SELENOF: variants seen among roughly 807,000 people sequenced by gnomAD.
SELENOF encodes the protein selenoprotein F, also known as 15 kDa selenoprotein.
In SELENOF, 16 loss-of-function variants were observed where a neutral mutation model predicts 20.5. The observed-to-expected ratio is 0.78, with a 90% CI of 0.53 to 1.19. SELENOF has a LOEUF of 1.19. Ranked by LOEUF, SELENOF falls within the 50% of genes most tolerant of loss-of-function variation. The probability of loss-of-function intolerance (pLI) is 0.00; values close to 1 mark genes in which losing one functional copy is unlikely to be tolerated. For synonymous variants in SELENOF, 78 were observed against 74.5 expected (o/e 1.05, Z -0.24); for missense variants, 215 against 194.2 (o/e 1.11, Z -0.64).
intron 2 of SELENOF, among the ~76,000 whole-genome samples, chr1:86,898,580 CTTTTTTTTT>C (rs747362493): frequency 8.0e-6 from 1 of 124,996 alleles, no homozygotes; most frequent in Admixed American, 8.0e-5. Flanking sequence ...TTCTCTTCTT[CTTTTTTTTT>C]TTTTTTTTTT....
chr1:86,877,679 C>A (rs1001670768), intron 3 of SELENOF, among the ~76,000 whole-genome samples: 1 of 152,108 alleles, frequency 6.6e-6, no homozygotes, highest in East Asian at 1.9e-4. Flanking sequence ...TTTCAAAACT[C>A]CTTTTTGCGT....
chr1:86,914,341 C>T (rs944991885), upstream of SELENOF: 2 of 571,094 alleles, frequency 3.5e-6, no homozygotes, highest in Non-Finnish European at 6.3e-6. Flanking sequence ...TTTACTTCTG[C>T]GGTCTCCTTT....
chr1:86,884,832 TTATTG>T (rs1193999341), intron 2 of SELENOF, among the ~76,000 whole-genome samples: 2 of 152,220 alleles, frequency 1.3e-5, no homozygotes, highest in East Asian at 3.8e-4. Flanking sequence ...CTCTAGCCCA[TTATTG>T]TATTAGGACT....
chr1:86,883,883 C>T (rs1214362272), intron 2 of SELENOF, among the ~76,000 whole-genome samples: 1 of 152,184 alleles, frequency 6.6e-6, no homozygotes, highest in East Asian at 1.9e-4. Flanking sequence ...CTTGTCTCTG[C>T]ACCACAAAAT....
chr1:86,901,946 A>G (rs1309545700), intron 2 of SELENOF, among the ~76,000 whole-genome samples: 1 of 152,124 alleles, frequency 6.6e-6, no homozygotes, highest in Non-Finnish European at 1.5e-5. Context: ...CTTGTTCTTC[A>G]GTCCTTCTGA....
At chr1:86,908,487 A>C in intron 1 of SELENOF, among the ~76,000 whole-genome samples, 1 of 152,248 alleles carries the variant, frequency 6.6e-6, no homozygotes, top group East Asian at 1.9e-4. Context: ...CTAAGACCAC[A>C]CAGGAAACAA....
At chr1:86,908,720 T>C (rs1366532696) in intron 1 of SELENOF, among the ~76,000 whole-genome samples, 1 of 152,212 alleles carries the variant, frequency 6.6e-6, no homozygotes, top group East Asian at 1.9e-4. Context: ...TACACAATTA[T>C]CATTCTATAC....
At chr1:86,913,619 A>C (rs1660049106) in intron 1 of SELENOF, among the ~76,000 whole-genome samples, 1 of 152,164 alleles carries the variant, frequency 6.6e-6, no homozygotes, top group African/African-American at 2.4e-5. Context: ...GTAAACACAA[A>C]CTGTTCGCCT....
At chr1:86,873,415 T>G (rs928977940) in intron 3 of SELENOF, among the ~76,000 whole-genome samples, 3 of 152,268 alleles carry the variant, frequency 2.0e-5, no homozygotes, top group African/African-American at 7.2e-5. Flanking sequence ...TTACCATCAT[T>G]AGAGTCTAGA....
chr1:86,867,603 G>A (rs545248773), intron 4 of SELENOF, among the ~76,000 whole-genome samples: 1 of 152,152 alleles, frequency 6.6e-6, no homozygotes, highest in South Asian at 2.1e-4. Flanking sequence ...ATTTCTTAGG[G>A]CAGTGAAACT....
intron 1 of SELENOF, among the ~76,000 whole-genome samples, chr1:86,912,628 A>G (rs181268790): frequency 5.4e-4 from 83 of 152,342 alleles, no homozygotes; most frequent in Non-Finnish European, 1.1e-3. Flanking sequence ...TGCCATGAAA[A>G]GAAGTTGGTC....
chr1:86,870,586 G>A (rs925306338), intron 3 of SELENOF, among the ~76,000 whole-genome samples: 1 of 152,028 alleles, frequency 6.6e-6, no homozygotes, highest in Non-Finnish European at 1.5e-5. Context: ...CCATAACAGA[G>A]CTTAGCATAC....
intron 3 of SELENOF, among the ~76,000 whole-genome samples, chr1:86,869,732 TTTC>T (rs1018399036): frequency 5.3e-5 from 8 of 151,784 alleles, no homozygotes; most frequent in African/African-American, 1.5e-4. Flanking sequence ...TCCTTCTTTC[TTTC>T]TTTTCTTTTC....
At chr1:86,900,470 C>T (rs1278309250) in intron 2 of SELENOF, among the ~76,000 whole-genome samples, 5 of 152,220 alleles carry the variant, frequency 3.3e-5, no homozygotes, top group Non-Finnish European at 7.3e-5. Flanking sequence ...CGCCTGCAAT[C>T]GCAGGCACTC....
chr1:86,879,872 T>C (rs759630517), intron 3 of SELENOF, among the ~76,000 whole-genome samples: 1 of 152,236 alleles, frequency 6.6e-6, no homozygotes, highest in Non-Finnish European at 1.5e-5. Flanking sequence ...TGTGAAGATA[T>C]ATACATATGA....
intron 2 of SELENOF, among the ~76,000 whole-genome samples, chr1:86,891,308 CAAAGT>C (rs1198985576): frequency 6.6e-6 from 1 of 152,124 alleles, no homozygotes; most frequent in Non-Finnish European, 1.5e-5. Flanking sequence ...CTCAGCCTCC[CAAAGT>C]GGTGGGATTA....
intron 2 of SELENOF, among the ~76,000 whole-genome samples, chr1:86,899,568 G>T (rs1442575151): frequency 2.7e-5 from 4 of 150,058 alleles, no homozygotes; most frequent in African/African-American, 7.4e-5. Flanking sequence ...CCTCCCGGAC[G>T]GGGCGGCTGG....
At chr1:86,897,877 A>G (rs1659567164) in intron 2 of SELENOF, among the ~76,000 whole-genome samples, 1 of 152,216 alleles carries the variant, frequency 6.6e-6, no homozygotes, top group East Asian at 1.9e-4. Flanking sequence ...TGTGGAGTCC[A>G]TGAGTCAAAA....
intron 4 of SELENOF, among the ~76,000 whole-genome samples, chr1:86,867,311 C>T (rs955237562): frequency 4.6e-5 from 7 of 151,664 alleles, no homozygotes; most frequent in Non-Finnish European, 8.8e-5. Context: ...ACCAATGTGG[C>T]GAAACCCCAT....
Sources: gnomAD v4.1 joint callset for allele counts (sites outside exome capture counted in the v4.1 genomes callset) on GRCh38, gnomAD v4.1.1 for gene constraint, MANE v1.5 for transcripts, NCBI Gene and HGNC (gene_info 2026-07-23, HGNC 2026-07-21) for gene names.